SLFN11: variants seen among roughly 807,000 people sequenced by gnomAD.
SLFN11 encodes the protein schlafen family member 11.
SLFN11 carries 43 observed loss-of-function variants against 53.4 expected under a neutral mutation model. The ratio of observed to expected loss-of-function variants is 0.80; its 90% CI spans 0.63 to 1.04. The LOEUF (loss-of-function observed/expected upper bound fraction) is 1.04. SLFN11 is among the 50% of genes least tolerant of loss of function. The probability of loss-of-function intolerance (pLI) is 0.00; values close to 1 mark genes in which losing one functional copy is unlikely to be tolerated. For missense variants in SLFN11, 990 were observed against 1,079.1 expected, an observed-to-expected ratio of 0.92 and a Z score of 1.16; for synonymous variants, 389 against 394.7, an observed-to-expected ratio of 0.99 and a Z score of 0.17.
chr17:35,362,943 G>C lies in SLFN11; in HGVS notation c.865C>G (p.Pro289Ala). 6.2e-7 allele frequency: 1 copy of C among 1,613,492 alleles called. No homozygotes were observed. The highest frequency in any genetic ancestry group is 1.1e-5 in the South Asian group (1 of 90,996). ...AGTGTGAAGGTTATCGGGCGTTGGG[G>C]TTGGCAAAAATGAACACAAGGTAGT... ...YKLPCVHFCQ[P>A]QRPITFTLKI... Residue 289 changes from proline to alanine, a missense_variant, in exon 4 of 7, where the codon CCC (proline) becomes GCC (alanine). Physicochemically the swap from Pro to Ala is conservative, Grantham distance 27. This residue lies in a region of SLFN11 where 521 missense variants were observed against 516.2 expected (regional missense o/e 1.01). Transcript: ENST00000685675.
chr17:35,362,657 C>T, intron 4 of SLFN11, 82 bp downstream of exon 4: 1 of 1,129,100 alleles, frequency 8.9e-7, no homozygotes, highest in Non-Finnish European at 1.2e-6. Context: ...TGTTCAAAGT[C>T]ATAGGCAGCA....
rs537593114 is a variant in SLFN11 at position 35,360,535 on chromosome 17, C to G, written c.1070-164G>C. On this transcript the variant is annotated intron_variant, in intron 4 of 6. Transcript: ENST00000685675. Reference sequence around the variant, plus strand: ...TTACTCTAGATAAGTGCCTTTATTGCATATCAAGGTTGCCAAAACCCACCC... The same window carrying G: ...TTACTCTAGATAAGTGCCTTTATTGGATATCAAGGTTGCCAAAACCCACCC... Among the ~76,000 whole-genome samples, 56 of 152,072 alleles carry G rather than the reference C, an allele frequency of 3.7e-4. 2 individuals are homozygous for G. In the South Asian group the frequency reaches 0.011, roughly 30 times the overall value.
Position 35,352,661 on chromosome 17 carries a change from C to G in SLFN11, c.2401G>C (p.Asp801His), listed in dbSNP as rs771670301. 3 of 1,614,192 alleles carry G rather than the reference C, an allele frequency of 1.9e-6. No homozygotes were observed. The highest frequency in any genetic ancestry group is 2.5e-6 in the Non-Finnish European group (3 of 1,180,040). The change falls in exon 7 of 7, where the codon GAT becomes CAT. Residue 801 changes from aspartate (D) to histidine (H), a missense_variant. By Grantham distance (81) the Asp-to-His change is moderately conservative (BLOSUM62 -1). This residue lies in a region of SLFN11 where 313 missense variants were observed against 320.9 expected (regional missense o/e 0.98). Coordinates refer to ENST00000685675, the MANE Select transcript of SLFN11 (RefSeq NM_001376007.1). ...ACATCCTTTGGAGAATAGCCCCTAT[C>G]AAAGAAGCGCCTGCACGTGTCTGCC... ...CVADTCRRFF[D>H]RGYSPKDVAV...
rs999152198 is a variant in SLFN11 at position 35,363,219 on chromosome 17, C to T, written c.589G>A (p.Asp197Asn). Residue 197 changes from aspartate to asparagine, a missense_variant, in exon 4 of 7, where the codon GAC becomes AAC. Coordinates refer to ENST00000685675, the MANE Select transcript of SLFN11 (RefSeq NM_001376007.1). The part of the protein sequence containing the change: ...SDPADLIFQK[D>N]YLEYGEILPF... ...AGGATTTCACCATATTCAAGATAGT[C>T]TTTTTGGAAAATTAGGTCAGCAGGA... The T allele has an allele frequency of 6.2e-7, 1 of 1,614,070 alleles. No homozygotes were observed. Among genetic ancestry groups the T allele is most frequent in the Non-Finnish European group, 8.5e-7 (1 of 1,180,000 alleles).
intron 5 of SLFN11, among the ~76,000 whole-genome samples, chr17:35,356,610 A>G (rs1275261743): frequency 6.6e-6 from 1 of 152,098 alleles, no homozygotes; most frequent in African/African-American, 2.4e-5. Flanking sequence ...AGATCTTTCC[A>G]TATCAATGCA....
intron 3 of SLFN11, among the ~76,000 whole-genome samples, chr17:35,366,461 T>A (rs1308883111): frequency 6.6e-5 from 10 of 152,264 alleles, no homozygotes; most frequent in South Asian, 2.1e-4. Flanking sequence ...TTATTTTTTT[T>A]AAATAAAAAT....
At chr17:35,362,716 G>A (rs1380949271) in intron 4 of SLFN11, 23 bp downstream of exon 4, 1 of 1,515,498 alleles carries the variant, frequency 6.6e-7, no homozygotes, top group African/African-American at 1.4e-5. Context: ...AGGACAGGGA[G>A]GGAGGAGCTT....
At chr17:35,372,695 G>A (rs926683905) in intron 1 of SLFN11, among the ~76,000 whole-genome samples, 6 of 152,018 alleles carry the variant, frequency 3.9e-5, no homozygotes, top group Non-Finnish European at 7.4e-5. Context: ...CCCATTTACC[G>A]TGATGTGATT....
chr17:35,358,031 T>A (rs940565236), intron 5 of SLFN11, among the ~76,000 whole-genome samples: 6 of 149,658 alleles, frequency 4.0e-5, no homozygotes, highest in Non-Finnish European at 8.9e-5. Flanking sequence ...ATAATCTCTT[T>A]TTAAAATTGA....
chr17:35,361,824 A>T (rs1908258163), intron 4 of SLFN11, among the ~76,000 whole-genome samples: 1 of 151,796 alleles, frequency 6.6e-6, no homozygotes, highest in Admixed American at 6.6e-5. Flanking sequence ...GGCTCACTGC[A>T]ACCTCCTCCT....
intron 5 of SLFN11, among the ~76,000 whole-genome samples, chr17:35,358,463 C>T (rs890211575): frequency 1.3e-5 from 2 of 151,526 alleles, no homozygotes; most frequent in South Asian, 4.2e-4. Flanking sequence ...GTAATATGCA[C>T]ATGGCTGTTT....
intron 5 of SLFN11, among the ~76,000 whole-genome samples, chr17:35,355,224 T>C (rs942399689): frequency 6.1e-4 from 92 of 151,906 alleles, no homozygotes; most frequent in African/African-American, 2.2e-3. Flanking sequence ...TTCATATGAG[T>C]AGATAAGGAC....
intron 5 of SLFN11, among the ~76,000 whole-genome samples, chr17:35,354,939 G>C (rs1206200258): frequency 6.6e-6 from 1 of 151,940 alleles, no homozygotes; most frequent in Non-Finnish European, 1.5e-5. Flanking sequence ...CGTACCAGGT[G>C]CTCACACGAC....
At chr17:35,360,493 A>T in intron 4 of SLFN11, 122 bp from the exon 5 acceptor site, 2 of 957,874 alleles carry the variant, frequency 2.1e-6, no homozygotes, top group Non-Finnish European at 3.0e-6. Context: ...TATCAAAATA[A>T]CTCTCCTCTC....
chr17:35,372,886 A>T (rs1376809301), intron 1 of SLFN11, among the ~76,000 whole-genome samples: 1 of 152,114 alleles, frequency 6.6e-6, no homozygotes, highest in African/African-American at 2.4e-5. Flanking sequence ...CTGGGGTAGC[A>T]CGTGTATTCT....
intron 5 of SLFN11, among the ~76,000 whole-genome samples, chr17:35,357,869 AT>A (rs1907727083): frequency 1.4e-5 from 2 of 145,776 alleles, no homozygotes; most frequent in Admixed American, 1.4e-4. Context: ...TATAATATAT[AT>A]TTTATATATC....
chr17:35,352,581 C>G lies in SLFN11; in HGVS notation c.2481G>C (p.Leu827Phe), dbSNP rs1906842211. The change falls in exon 7 of 7, where the codon TTG becomes TTC. Residue 827 changes from leucine to phenylalanine, a missense_variant. By Grantham distance (22) the Leu-to-Phe change is conservative (BLOSUM62 0). This residue lies in a region of SLFN11 where 313 missense variants were observed against 320.9 expected (regional missense o/e 0.98). Transcript: ENST00000685675. ...CCACCCTTTTCTTCCTCATTGCTTTCAAGAGCTCATACTTATAGTGCTCCA... is the reference window on the plus strand; with the variant it reads ...CCACCCTTTTCTTCCTCATTGCTTTGAAGAGCTCATACTTATAGTGCTCCA... ...KEVEHYKYELLKAMRKKRVVQ... is the reference protein window; with the variant it reads ...KEVEHYKYELFKAMRKKRVVQ... The G allele has an allele frequency of 6.2e-7, 1 of 1,614,084 alleles. No individual in the cohort carries two copies. Among genetic ancestry groups the G allele is most frequent in the Non-Finnish European group, 8.5e-7 (1 of 1,180,048 alleles).
In SLFN11 at chr17:35,353,138, C is replaced by A. The variant is rs768467754; in HGVS notation, c.1924G>T (p.Asp642Tyr). The change falls in exon 7 of 7, where the codon GAT (aspartate) becomes TAT (tyrosine). Residue 642 changes from aspartate to tyrosine, a missense_variant and splice_region_variant. Physicochemically the swap from Asp to Tyr is radical, Grantham distance 160. Transcript: ENST00000685675. ...ENQPLRNFISDRNICRAETRK... is the reference protein window; with the variant it reads ...ENQPLRNFISYRNICRAETRK... ...GTCTCTGCTCGGCAGATATTTCTAT[C>A]ACTGTAAAAATTAAAAGAACACACT... The A allele has an allele frequency of 1.2e-6, 2 of 1,610,140 alleles. No individual in the cohort carries two copies. Among genetic ancestry groups the A allele is most frequent in the Non-Finnish European group, 1.7e-6 (2 of 1,178,618 alleles).
intron 3 of SLFN11, among the ~76,000 whole-genome samples, chr17:35,364,280 G>A (rs1002657307): frequency 1.3e-5 from 2 of 152,052 alleles, no homozygotes; most frequent in African/African-American, 4.8e-5. Flanking sequence ...AAACAACATT[G>A]AAAAGGAGAC....
Sources: gnomAD v4.1 joint callset for allele counts (sites outside exome capture counted in the v4.1 genomes callset) on GRCh38, gnomAD v4.1.1 for gene constraint, gnomAD v4.1.1 regional missense constraint, MANE v1.5 for transcripts, NCBI Gene and HGNC (gene_info 2026-07-23, HGNC 2026-07-21) for gene names.